TNRC6A: variants seen among roughly 807,000 people sequenced by gnomAD.
The protein encoded by TNRC6A is trinucleotide repeat-containing gene 6A protein.
Under a neutral mutation model 221.2 loss-of-function variants are expected in TNRC6A, and 44 were observed. That is an observed-to-expected ratio of 0.20 (90% CI 0.16 to 0.26). The LOEUF is 0.26. Among genes scored for constraint, TNRC6A ranks in the 10% least tolerant of loss-of-function variants. TNRC6A has a pLI of 1.00. For synonymous variants in TNRC6A, 847 were observed against 838.5 expected, an observed-to-expected ratio of 1.01 and a Z score of -0.18; for missense variants, 2,199 against 2,404.4, an observed-to-expected ratio of 0.91 and a Z score of 1.79.
chr16:24,610,943 T>C (rs1178463353), intron 1 of TNRC6A, among the ~76,000 whole-genome samples: 3 of 152,114 alleles, frequency 2.0e-5, no homozygotes, highest in Admixed American at 1.3e-4. Context: ...CCCGAATAGC[T>C]GGGATTAGAG....
Position 24,781,043 on chromosome 16 carries a change from C to CTTTTTTTTTTTTTT in TNRC6A, c.589+3697_589+3710dup, listed in dbSNP as rs35502747. On this transcript the variant is annotated intron_variant, in intron 5 of 24. Coordinates refer to ENST00000395799, the MANE Select transcript of TNRC6A (RefSeq NM_014494.4). ...AAAAATTTTCTTAAGCCTCCATACT[C>CTTTTTTTTTTTTTT]TTTTTTTTTTTTTTTTTTTTTTTTT... is the stretch of plus-strand genomic sequence containing the variant. Among the ~76,000 whole-genome samples the CTTTTTTTTTTTTTT allele has an allele frequency of 2.7e-3, 146 of 53,428 alleles. 20 individuals are homozygous for CTTTTTTTTTTTTTT. Among genetic ancestry groups the CTTTTTTTTTTTTTT allele is most frequent in the African/African-American group, 0.011 (120 of 11,322 alleles). 35.1% of individuals were successfully genotyped at this position (53,428 alleles called of 152,430 possible). A position where few individuals can be genotyped will look rare whatever the true frequency, so the allele number is the denominator to read the frequency against.
intron 2 of TNRC6A, among the ~76,000 whole-genome samples, chr16:24,651,255 T>C (rs867239797): frequency 6.6e-6 from 1 of 151,118 alleles, no homozygotes; most frequent in Non-Finnish European, 1.5e-5. Context: ...AATAGACACA[T>C]TCGCCAGGCG....
chr16:24,758,877 C>A (rs1004605160), intron 4 of TNRC6A, among the ~76,000 whole-genome samples: 1 of 151,862 alleles, frequency 6.6e-6, no homozygotes. Context: ...CATTAGACCC[C>A]AAGCAAAAGA....
At chr16:24,688,288 T>C (rs2055684410) in intron 2 of TNRC6A, among the ~76,000 whole-genome samples, 1 of 152,108 alleles carries the variant, frequency 6.6e-6, no homozygotes, top group Non-Finnish European at 1.5e-5. Context: ...CTCATTCTTG[T>C]ATTCATACAC....
chr16:24,820,093 C>T, intron 21 of TNRC6A, 46 bp from the exon 22 acceptor site: 1 of 1,544,218 alleles, frequency 6.5e-7, no homozygotes, highest in Non-Finnish European at 8.9e-7. Flanking sequence ...TTCCTCCTTT[C>T]TTAAACATTA....
intron 2 of TNRC6A, among the ~76,000 whole-genome samples, chr16:24,654,972 G>C (rs1902882651): frequency 6.6e-6 from 1 of 152,182 alleles, no homozygotes; most frequent in Admixed American, 6.5e-5. Flanking sequence ...GCTGGGCACA[G>C]TGTCTCACGC....
chr16:24,809,993 A>G (rs1339779721), intron 18 of TNRC6A, among the ~76,000 whole-genome samples: 4 of 152,158 alleles, frequency 2.6e-5, no homozygotes, highest in Non-Finnish European at 5.9e-5. Context: ...TTGTATTTTT[A>G]GTAGAGACAG....
chr16:24,708,292 G>A (rs2056137574), intron 2 of TNRC6A, among the ~76,000 whole-genome samples: 1 of 151,506 alleles, frequency 6.6e-6, no homozygotes, highest in Non-Finnish European at 1.5e-5. Context: ...CCAGGCTGGG[G>A]TGCGGTGGCG....
chr16:24,714,882 T>G (rs894008596), intron 2 of TNRC6A, among the ~76,000 whole-genome samples: 3 of 151,460 alleles, frequency 2.0e-5, no homozygotes, highest in Admixed American at 6.6e-5. Context: ...TTTTTTTGTT[T>G]TTTTTTTTTT....
chr16:24,699,304 C>A (rs1411916275), intron 2 of TNRC6A, among the ~76,000 whole-genome samples: 2 of 152,066 alleles, frequency 1.3e-5, no homozygotes, highest in Non-Finnish European at 2.9e-5. Flanking sequence ...TGAAAGTGGG[C>A]AGCACTACAG....
At chr16:24,653,587 C>T (rs188324587) in intron 2 of TNRC6A, among the ~76,000 whole-genome samples, 155 of 152,150 alleles carry the variant, frequency 1.0e-3, no homozygotes, top group Middle Eastern at 3.4e-3. Flanking sequence ...ACCAGCCTGG[C>T]CAACATGGTG....
In TNRC6A at chr16:24,669,502, C is replaced by T. The variant is rs902800795; in HGVS notation, n.402+28493C>T. 2.6e-5 allele frequency among the ~76,000 whole-genome samples: 4 copies of T among 151,820 alleles called. No homozygotes were observed. The East Asian group carries it at 7.8e-4, about 29-fold the overall frequency. On this transcript the variant is annotated intron_variant and non_coding_transcript_variant, in intron 2 of 2. Coordinates refer to the TNRC6A transcript ENST00000566108. ...GACTCTGTCTCAAAAAAAAAAAAAT[C>T]CTATAGCTCCCATAGGATTCCCTGG... is the stretch of plus-strand genomic sequence containing the variant.
intron 2 of TNRC6A, among the ~76,000 whole-genome samples, chr16:24,742,534 G>A (rs561334532): frequency 6.6e-6 from 1 of 152,350 alleles, no homozygotes; most frequent in African/African-American, 2.4e-5. Flanking sequence ...TAATTAGAGT[G>A]CCCAGTGACA....
At chr16:24,681,138 T>C (rs2055525686) in intron 2 of TNRC6A, among the ~76,000 whole-genome samples, 1 of 152,158 alleles carries the variant, frequency 6.6e-6, no homozygotes, top group African/African-American at 2.4e-5. Context: ...TAATAATTAT[T>C]AACAATTTGT....
At chr16:24,650,253 A>T (rs1341156035) in intron 2 of TNRC6A, among the ~76,000 whole-genome samples, 1 of 152,238 alleles carries the variant, frequency 6.6e-6, no homozygotes, top group East Asian at 1.9e-4. Flanking sequence ...TTGAATTATA[A>T]TTAAAATATT....
chr16:24,704,457 T>A (rs1419217690), intron 2 of TNRC6A, among the ~76,000 whole-genome samples: 1 of 151,842 alleles, frequency 6.6e-6, no homozygotes, highest in Non-Finnish European at 1.5e-5. Context: ...GGCGGGCAGA[T>A]CACCTGATGT....
intron 2 of TNRC6A, among the ~76,000 whole-genome samples, chr16:24,666,420 T>C (rs1325046913): frequency 1.1e-4 from 15 of 141,046 alleles, no homozygotes; most frequent in Middle Eastern, 3.8e-3. Context: ...TTGCAGTGAG[T>C]CGAGATCGCG....
chr16:24,690,682 C>CT (rs989218757), intron 2 of TNRC6A, among the ~76,000 whole-genome samples: 2 of 152,156 alleles, frequency 1.3e-5, no homozygotes, highest in Non-Finnish European at 2.9e-5. Flanking sequence ...AAATACTTTG[C>CT]TTTGCTTTTT....
At chr16:24,691,908 C>T (rs1328713866) in intron 2 of TNRC6A, among the ~76,000 whole-genome samples, 1 of 152,142 alleles carries the variant, frequency 6.6e-6, no homozygotes, top group Admixed American at 6.6e-5. Context: ...TTAAAGGACC[C>T]ATCACCCTTA....
Sources: allele counts gnomAD v4.1 joint callset (sites outside exome capture counted in the v4.1 genomes callset), GRCh38; gene constraint gnomAD v4.1.1; transcripts MANE v1.5; gene names NCBI Gene and HGNC (gene_info 2026-07-23, HGNC 2026-07-21).